The following FREM1 variants were observed in gnomAD, a reference collection of about 807,000 sequenced individuals.
The protein encoded by FREM1 is FRAS1 related extracellular matrix 1.
FREM1 carries 220 observed loss-of-function variants against 210.1 expected under a neutral mutation model. The ratio of observed to expected loss-of-function variants is 1.05; its 90% CI spans 0.94 to 1.17. The LOEUF is 1.17. Ranked by LOEUF, FREM1 falls within the 50% of genes most tolerant of loss-of-function variation. The pLI is 0.00. For missense variants in FREM1, 3,454 were observed against 2,675.5 expected (o/e 1.29, Z -6.42); for synonymous variants, 1,189 against 980.2 (o/e 1.21, Z -3.98).
intron 20 of FREM1, among the ~76,000 whole-genome samples, chr9:14,800,873 T>G (rs1235756445): frequency 1.3e-5 from 2 of 152,216 alleles, no homozygotes; most frequent in African/African-American, 2.4e-5. Flanking sequence ...TTACCTTTTC[T>G]AGGTTAAATT....
chr9:14,756,493 A>G (rs2132178039), intron 28 of FREM1, 47 bp from the exon 29 acceptor site: 1 of 1,320,966 alleles, frequency 7.6e-7, no homozygotes, highest in East Asian at 2.5e-5. Flanking sequence ...TAAATATTCT[A>G]CAATAGAGAA....
chr9:14,779,622 C>T (rs377373819), intron 24 of FREM1: 6 of 249,738 alleles, frequency 2.4e-5, no homozygotes, highest in African/African-American at 1.2e-4. Flanking sequence ...GTGAGGTCAC[C>T]GCAGTTGTCT....
chr9:14,904,869 T>A (rs182925961), intron 1 of FREM1, among the ~76,000 whole-genome samples: 2 of 152,276 alleles, frequency 1.3e-5, no homozygotes, highest in East Asian at 3.9e-4. Context: ...CTCACCATAT[T>A]GCCAACCCCA....
chr9:14,864,437 T>C (rs1439029042), intron 2 of FREM1, among the ~76,000 whole-genome samples: 1 of 152,206 alleles, frequency 6.6e-6, no homozygotes, highest in Non-Finnish European at 1.5e-5. Flanking sequence ...CTGTGGTTAA[T>C]CAGAGCCTAA....
At chr9:14,828,047 G>A (rs139687261) in intron 10 of FREM1, among the ~76,000 whole-genome samples, 2 of 152,366 alleles carry the variant, frequency 1.3e-5, no homozygotes, top group East Asian at 3.9e-4. Context: ...CTCAGGTGCA[G>A]GGCTGCTGCA....
intron 1 of FREM1, among the ~76,000 whole-genome samples, chr9:14,871,426 T>C (rs928636980): frequency 6.6e-6 from 1 of 152,214 alleles, no homozygotes; most frequent in Non-Finnish European, 1.5e-5. Flanking sequence ...CATTTTTTCA[T>C]GTGTTATTTG....
At chr9:14,893,638 C>A (rs952494877) in intron 1 of FREM1, among the ~76,000 whole-genome samples, 1 of 151,594 alleles carries the variant, frequency 6.6e-6, no homozygotes, top group Admixed American at 6.6e-5. Context: ...AAGTGTAATG[C>A]CTTTTAGTTT....
chr9:14,752,841 A>G (rs955885642), intron 29 of FREM1, among the ~76,000 whole-genome samples: 6 of 151,892 alleles, frequency 4.0e-5, no homozygotes. Flanking sequence ...TTAAAATTAT[A>G]GTACCCCCCA....
At chr9:14,909,523 C>T (rs543306968) in intron 1 of FREM1, among the ~76,000 whole-genome samples, 5 of 152,186 alleles carry the variant, frequency 3.3e-5, no homozygotes, top group Admixed American at 6.5e-5. Flanking sequence ...TATGTTTGTA[C>T]CATGAGGATA....
chr9:14,831,650 T>C (rs928822770), intron 10 of FREM1, among the ~76,000 whole-genome samples: 2 of 152,370 alleles, frequency 1.3e-5, no homozygotes, highest in African/African-American at 4.8e-5. Context: ...TGGGCTATAA[T>C]AGCAGGATAC....
chr9:14,863,511 C>T (rs939863174), intron 3 of FREM1, among the ~76,000 whole-genome samples: 2 of 152,054 alleles, frequency 1.3e-5, no homozygotes, highest in African/African-American at 4.8e-5. Context: ...TTTCCATTTT[C>T]TACCATAAGT....
intron 9 of FREM1, 52 bp from the exon 10 acceptor site, chr9:14,841,641 G>A (rs1564052598): frequency 3.6e-5 from 49 of 1,371,240 alleles, no homozygotes; most frequent in Admixed American, 6.4e-5. Context: ...ATCAAATATC[G>A]AGGGACAATG....
intron 1 of FREM1, among the ~76,000 whole-genome samples, chr9:14,875,746 G>A (rs1160179337): frequency 6.6e-6 from 1 of 152,120 alleles, no homozygotes. Flanking sequence ...AGGAGGAGAG[G>A]CGCTCTGCTT....
At position 14,845,945 on chromosome 9, in the gene FREM1, A is replaced by G. The variant is rs757195523; in HGVS notation, c.1393+15T>C. On this transcript the variant is annotated intron_variant, in intron 8 of 36. Transcript: ENST00000380880. ...TTTTGGATTCTTTGCTAGGTTACCA[A>G]GTTGGATCATTCACCTCTTAAAGTC... 2 of 1,613,030 alleles carry G rather than the reference A, an allele frequency of 1.2e-6. No individual in the cohort carries two copies. Among genetic ancestry groups the G allele is most frequent in the East Asian group, 2.2e-5 (1 of 44,826 alleles).
At chr9:14,838,201 G>A (rs1283663902) in intron 10 of FREM1, among the ~76,000 whole-genome samples, 1 of 152,102 alleles carries the variant, frequency 6.6e-6, no homozygotes, top group Non-Finnish European at 1.5e-5. Context: ...AGACAAAATT[G>A]GCATTGCTCA....
chr9:14,837,460 T>G (rs200863748), intron 10 of FREM1, among the ~76,000 whole-genome samples: 1 of 139,386 alleles, frequency 7.2e-6, no homozygotes, highest in Non-Finnish European at 1.6e-5. Context: ...CACACACACA[T>G]ACACATACAC....
At chr9:14,763,681 C>T (rs1480853258) in intron 27 of FREM1, among the ~76,000 whole-genome samples, 1 of 152,160 alleles carries the variant, frequency 6.6e-6, no homozygotes, top group African/African-American at 2.4e-5. Flanking sequence ...GTTTAAACAC[C>T]CAATTTAAAA....
rs1242174389 is a variant in FREM1, at chr9:14,788,967, T to C, written c.4129A>G (p.Arg1377Gly). Residue 1377 changes from arginine (R) to glycine (G), a missense_variant, in exon 23 of 37, where the codon AGG (arginine) becomes GGG (glycine). Arg to Gly is a moderately radical substitution (Grantham distance 125, BLOSUM62 -2). Transcript: ENST00000380880. ...FTFYLWDGNN[R>G]SPALDCQITI... The stretch of plus-strand genomic sequence containing the variant: ...ATTTGACAGTCAAGAGCAGGGGACC[T>C]GTTGTTGCCATCCCAAAGGTAGAAG... The C allele has an allele frequency of 5.0e-6, 8 of 1,613,082 alleles. No homozygotes were observed. The highest frequency in any genetic ancestry group is 6.8e-6 in the Non-Finnish European group (8 of 1,179,608).
chr9:14,786,705 T>C (rs57207087), intron 23 of FREM1, among the ~76,000 whole-genome samples: 11,392 of 152,260 alleles, frequency 0.075, 692 homozygotes, highest in African/African-American at 0.15. Flanking sequence ...GAAAACGCTA[T>C]TTCAGATTAC....
Sources: gnomAD v4.1 joint callset for allele counts (sites outside exome capture counted in the v4.1 genomes callset) on GRCh38, gnomAD v4.1.1 for gene constraint, MANE v1.5 for transcripts, NCBI Gene and HGNC (gene_info 2026-07-23, HGNC 2026-07-21) for gene names.